Variants in RBFOX1 observed in about 807,000 individuals in gnomAD.
RBFOX1 encodes RNA binding fox-1 homolog 1.
RBFOX1 carries 8 observed loss-of-function variants against 57.7 expected under a neutral mutation model. That is an observed-to-expected ratio of 0.14 (90% confidence interval 0.08 to 0.25). RBFOX1 has a LOEUF of 0.25. RBFOX1 is among the 10% of genes least tolerant of loss of function. The probability of loss-of-function intolerance (pLI) is 1.00; values close to 1 mark genes in which losing one functional copy is unlikely to be tolerated. For missense variants in RBFOX1, 611 were observed against 548.5 expected, an observed-to-expected ratio of 1.11 and a Z score of -1.14; for synonymous variants, 326 against 222.4, an observed-to-expected ratio of 1.47 and a Z score of -4.15.
At chr16:5,799,954 C>G (rs1013129739) in intron 3 of RBFOX1, among the ~76,000 whole-genome samples, 4 of 152,060 alleles carry the variant, frequency 2.6e-5, no homozygotes, top group Non-Finnish European at 5.9e-5. Context: ...AAATATATAT[C>G]TGTCTGTCCT....
chr16:6,362,490 G>A (rs1354397617), intron 2 of RBFOX1, among the ~76,000 whole-genome samples: 1 of 152,188 alleles, frequency 6.6e-6, no homozygotes, highest in Non-Finnish European at 1.5e-5. Context: ...CTGCTCGTAT[G>A]TCATCTGTTG....
chr16:7,551,375 C>G (rs1412958904), intron 5 of RBFOX1, among the ~76,000 whole-genome samples: 2 of 152,096 alleles, frequency 1.3e-5, no homozygotes, highest in Non-Finnish European at 2.9e-5. Context: ...TCCAGGGGCC[C>G]CAGCTCACTG....
At chr16:6,874,630 C>T (rs535013188) in intron 3 of RBFOX1, among the ~76,000 whole-genome samples, 93 of 151,636 alleles carry the variant, frequency 6.1e-4, no homozygotes, top group Non-Finnish European at 1.2e-3. Context: ...CATCTCATGG[C>T]TTATCTCCCA....
intron 2 of RBFOX1, among the ~76,000 whole-genome samples, chr16:6,342,929 A>G (rs199658286): frequency 1.3e-5 from 2 of 152,296 alleles, no homozygotes; most frequent in East Asian, 3.9e-4. Flanking sequence ...CTTTGAATAC[A>G]GATCATCTCC....
At chr16:6,806,368 G>C (rs2086761937) in intron 3 of RBFOX1, among the ~76,000 whole-genome samples, 1 of 152,142 alleles carries the variant, frequency 6.6e-6, no homozygotes, top group South Asian at 2.1e-4. Flanking sequence ...GATGGAATGA[G>C]AAACTGGTCT....
At chr16:6,666,158 C>A (rs2098731339) in intron 3 of RBFOX1, among the ~76,000 whole-genome samples, 1 of 152,146 alleles carries the variant, frequency 6.6e-6, no homozygotes, top group Admixed American at 6.5e-5. Context: ...GTCTATTAAA[C>A]CTTTCTTTCT....
chr16:5,556,338 C>A (rs2045675360), intron 2 of RBFOX1, among the ~76,000 whole-genome samples: 1 of 152,146 alleles, frequency 6.6e-6, no homozygotes, highest in African/African-American at 2.4e-5. Context: ...TGGGGCCTTG[C>A]CTACCCTCCC....
At chr16:6,387,827 C>T (rs1469492310) in intron 2 of RBFOX1, among the ~76,000 whole-genome samples, 2 of 152,002 alleles carry the variant, frequency 1.3e-5, no homozygotes, top group Non-Finnish European at 2.9e-5. Context: ...TTTTGACTTC[C>T]AGGAGAGCTT....
chr16:7,670,375 C>T (rs573333246), intron 13 of RBFOX1, among the ~76,000 whole-genome samples: 1 of 152,192 alleles, frequency 6.6e-6, no homozygotes, highest in Non-Finnish European at 1.5e-5. Flanking sequence ...ATAATTTGTC[C>T]AAAAATCTTC....
intron 2 of RBFOX1, among the ~76,000 whole-genome samples, chr16:5,480,429 C>G (rs2069491828): frequency 6.6e-6 from 1 of 151,268 alleles, no homozygotes; most frequent in Non-Finnish European, 1.5e-5. Context: ...CTCAAAAATA[C>G]AGACAAGTAT....
intron 2 of RBFOX1, among the ~76,000 whole-genome samples, chr16:6,485,867 AT>A (rs1384054993): frequency 1.3e-5 from 2 of 152,122 alleles, no homozygotes; most frequent in Non-Finnish European, 2.9e-5. Context: ...GTCTGGATTC[AT>A]TTTAATCTGT....
intron 3 of RBFOX1, among the ~76,000 whole-genome samples, chr16:6,960,764 C>T (rs1350087869): frequency 6.6e-6 from 1 of 151,976 alleles, no homozygotes; most frequent in Admixed American, 6.6e-5. Flanking sequence ...AGACTTTGAG[C>T]TCTTCAATCA....
chr16:6,840,568 C>A (rs1248333112), intron 3 of RBFOX1, among the ~76,000 whole-genome samples: 1 of 151,894 alleles, frequency 6.6e-6, no homozygotes, highest in Non-Finnish European at 1.5e-5. Flanking sequence ...AGAGCATAGC[C>A]CTCATGAATG....
chr16:5,251,959 C>A (rs1015201832), intron 1 of RBFOX1, among the ~76,000 whole-genome samples: 1 of 151,808 alleles, frequency 6.6e-6, no homozygotes, highest in Non-Finnish European at 1.5e-5. Context: ...GAGATGAAGT[C>A]TTCTTGCCAA....
intron 5 of RBFOX1, among the ~76,000 whole-genome samples, chr16:7,543,667 C>CTGTGTGTGTGTGTGTGTG (rs71150310): frequency 7.1e-6 from 1 of 141,434 alleles, no homozygotes; most frequent in African/African-American, 2.6e-5. Context: ...TGGGCAGTAT[C>CTGTGTGTGTGTGTGTGTG]TGTGTGTGTG....
At chr16:7,363,366 G>A (rs1454417772) in intron 4 of RBFOX1, among the ~76,000 whole-genome samples, 2 of 152,044 alleles carry the variant, frequency 1.3e-5, no homozygotes, top group Non-Finnish European at 2.9e-5. Flanking sequence ...TCTGTCCAAG[G>A]GGGTAAAACA....
chr16:7,023,145 T>C (rs973061561), intron 3 of RBFOX1, among the ~76,000 whole-genome samples: 1 of 151,728 alleles, frequency 6.6e-6, no homozygotes, highest in Admixed American at 6.6e-5. Context: ...ATAAAACACA[T>C]AGTGGGAGGC....
intron 2 of RBFOX1, among the ~76,000 whole-genome samples, chr16:6,409,629 A>G (rs529690027): frequency 4.6e-5 from 7 of 152,302 alleles, no homozygotes; most frequent in African/African-American, 1.2e-4. Flanking sequence ...TTTAAAAAGG[A>G]AAGAACCTGA....
At chr16:6,874,687 T>C (rs1034144320) in intron 3 of RBFOX1, among the ~76,000 whole-genome samples, 2 of 152,006 alleles carry the variant, frequency 1.3e-5, no homozygotes, top group African/African-American at 4.8e-5. Context: ...TGTGTTAATA[T>C]ACTAACATAT....
Sources: allele counts gnomAD v4.1 joint callset (sites outside exome capture counted in the v4.1 genomes callset), GRCh38; gene constraint gnomAD v4.1.1; transcripts MANE v1.5; gene names NCBI Gene and HGNC (gene_info 2026-07-23, HGNC 2026-07-21).